Variants in CSMD1 observed in about 807,000 individuals in gnomAD.
CSMD1 encodes CUB and sushi domain-containing protein 1.
Under a neutral mutation model 417.5 loss-of-function variants are expected in CSMD1, and 213 were observed. The observed-to-expected ratio is 0.51, with a 90% CI of 0.46 to 0.57. The LOEUF (loss-of-function observed/expected upper bound fraction) is 0.57, where lower values mean the gene tolerates loss of function less well. Among genes scored for constraint, CSMD1 ranks in the 20% least tolerant of loss-of-function variants. The probability of loss-of-function intolerance (pLI) is 0.00; values close to 1 mark genes in which losing one functional copy is unlikely to be tolerated. For synonymous variants in CSMD1, 2,862 were observed against 1,736.8 expected (o/e 1.65, Z -16.11); for missense variants, 6,923 against 4,529.7 (o/e 1.53, Z -15.17).
At chr8:4,982,199 G>A (rs147842063) in intron 1 of CSMD1, among the ~76,000 whole-genome samples, 243 of 152,250 alleles carry the variant, frequency 1.6e-3, no homozygotes, top group African/African-American at 5.5e-3. Context: ...CCTGACCCAC[G>A]GAAACTATCA....
chr8:4,160,776 G>C (rs1266158797), intron 3 of CSMD1, among the ~76,000 whole-genome samples: 1 of 152,200 alleles, frequency 6.6e-6, no homozygotes, highest in Non-Finnish European at 1.5e-5. Context: ...TTGGATGAAA[G>C]CATCATTTTA....
At chr8:4,249,447 C>T (rs1396108226) in intron 3 of CSMD1, among the ~76,000 whole-genome samples, 6 of 152,070 alleles carry the variant, frequency 3.9e-5, no homozygotes, top group African/African-American at 1.4e-4. Flanking sequence ...ATAATCACAA[C>T]CATGGAGACA....
At position 4,637,528 on chromosome 8, in the gene CSMD1, G is replaced by C. The variant is rs1201974912; in HGVS notation, c.116C>G (p.Pro39Arg). The C allele has an allele frequency of 1.9e-6, 3 of 1,613,538 alleles. No homozygotes were observed. The highest frequency in any genetic ancestry group is 2.5e-6 in the Non-Finnish European group (3 of 1,179,734). Residue 39 changes from proline to arginine, a missense_variant, in exon 2 of 70, where the codon CCC becomes CGC. Transcript: ENST00000635120. ...CCCTGGGCTCTCAATAGTGCCATTG[G>C]GACCCTGGACTAAGCCTCCACAGTT... is the stretch of plus-strand genomic sequence containing the variant. The part of the protein sequence containing the change: ...GQNCGGLVQG[P>R]NGTIESPGFP...
At chr8:3,953,817 T>A (rs1035335372) in intron 5 of CSMD1, among the ~76,000 whole-genome samples, 2 of 151,518 alleles carry the variant, frequency 1.3e-5, no homozygotes, top group Non-Finnish European at 2.9e-5. Context: ...CCATGAGAGG[T>A]CTCATTTTCC....
chr8:4,128,974 G>T (rs540687817), intron 3 of CSMD1, among the ~76,000 whole-genome samples: 1 of 151,188 alleles, frequency 6.6e-6, no homozygotes, highest in East Asian at 2.0e-4. Context: ...TACTTGGGAA[G>T]CTGAGGCAGG....
At chr8:4,465,530 A>C (rs1279097187) in intron 2 of CSMD1, among the ~76,000 whole-genome samples, 1 of 152,160 alleles carries the variant, frequency 6.6e-6, no homozygotes, top group East Asian at 1.9e-4. Flanking sequence ...GGAAGCACAT[A>C]CAACTCCACT....
chr8:4,942,920 G>T (rs1051721429), intron 1 of CSMD1, among the ~76,000 whole-genome samples: 1 of 152,190 alleles, frequency 6.6e-6, no homozygotes, highest in African/African-American at 2.4e-5. Flanking sequence ...ACAATGGTTT[G>T]GATTAGGTTA....
At chr8:3,352,944 A>G (rs1808513388) in intron 21 of CSMD1, among the ~76,000 whole-genome samples, 1 of 152,200 alleles carries the variant, frequency 6.6e-6, no homozygotes, top group Non-Finnish European at 1.5e-5. Flanking sequence ...ATATAACAAA[A>G]CTAAGCCCAT....
At chr8:4,340,780 A>C (rs1235728280) in intron 3 of CSMD1, among the ~76,000 whole-genome samples, 1 of 152,100 alleles carries the variant, frequency 6.6e-6, no homozygotes, top group Non-Finnish European at 1.5e-5. Flanking sequence ...CAAACTCATA[A>C]TGGTTGCTTC....
intron 1 of CSMD1, among the ~76,000 whole-genome samples, chr8:4,767,206 A>G (rs1812524839): frequency 6.6e-6 from 1 of 152,210 alleles, no homozygotes; most frequent in African/African-American, 2.4e-5. Context: ...TGAAGGCCAT[A>G]ATTTGCAGAT....
intron 41 of CSMD1, among the ~76,000 whole-genome samples, chr8:3,121,198 T>C (rs1817184731): frequency 6.6e-6 from 1 of 152,192 alleles, no homozygotes. Flanking sequence ...TTTTCAGTAT[T>C]GTAAGCATAC....
rs75594152 is a variant in CSMD1, at chr8:3,685,634, G to C, written c.1009+22780C>G. Among the ~76,000 whole-genome samples the C allele has an allele frequency of 3.4e-3, 511 of 152,310 alleles. 2 individuals carry two copies. Among genetic ancestry groups the C allele is most frequent in the Non-Finnish European group, 5.7e-3 (389 of 68,026 alleles). On this transcript the variant is annotated intron_variant, in intron 7 of 69. Coordinates refer to ENST00000635120, the MANE Select transcript of CSMD1 (RefSeq NM_033225.6). ...GATCTGGTGAGTTTCATTTCTTTGA[G>C]ACTGTTTTTAGAGGCCTGGGGGTGC...
intron 20 of CSMD1, 75 bp downstream of exon 20, chr8:3,366,957 C>CA: frequency 8.8e-7 from 1 of 1,132,380 alleles, no homozygotes; most frequent in Non-Finnish European, 1.3e-6. Context: ...CACACACACA[C>CA]CCACACACAT....
intron 4 of CSMD1, among the ~76,000 whole-genome samples, chr8:4,001,194 T>C (rs549332686): frequency 3.3e-5 from 5 of 152,304 alleles, no homozygotes; most frequent in Admixed American, 1.3e-4. Context: ...AATACAAGTG[T>C]ATAGAATAAG....
chr8:4,985,478 G>T (rs1242371451), intron 1 of CSMD1, among the ~76,000 whole-genome samples: 1 of 152,178 alleles, frequency 6.6e-6, no homozygotes, highest in Non-Finnish European at 1.5e-5. Context: ...TTCTTTAGGT[G>T]AGCAAAATTA....
At chr8:3,666,292 G>C (rs553890864) in intron 7 of CSMD1, among the ~76,000 whole-genome samples, 1 of 152,230 alleles carries the variant, frequency 6.6e-6, no homozygotes, top group Admixed American at 6.5e-5. Context: ...TCTATAGATT[G>C]TGAGAACCGA....
chr8:3,817,276 TTTTTTTTTTTTTTTTTTTTTTTG>T (rs1801436723), intron 5 of CSMD1, among the ~76,000 whole-genome samples: 3 of 73,856 alleles, frequency 4.1e-5, no homozygotes, highest in African/African-American at 1.8e-4. Flanking sequence ...TTTTTTTTTT[TTTTTTTTTTTTTTTTTTTTTTTG>T]AGATGGAGTC....
At chr8:3,352,859 GAAAC>G (rs1252225769) in intron 21 of CSMD1, among the ~76,000 whole-genome samples, 13 of 151,882 alleles carry the variant, frequency 8.6e-5, no homozygotes, top group African/African-American at 2.2e-4. Flanking sequence ...AACAAACAAA[GAAAC>G]AAACAAACAA....
At chr8:4,250,196 G>C (rs747376352) in intron 3 of CSMD1, among the ~76,000 whole-genome samples, 3 of 152,120 alleles carry the variant, frequency 2.0e-5, no homozygotes, top group Non-Finnish European at 4.4e-5. Context: ...TCTTTACAAA[G>C]TACCTGGTCT....
Sources: allele counts gnomAD v4.1 joint callset (sites outside exome capture counted in the v4.1 genomes callset), GRCh38; gene constraint gnomAD v4.1.1; transcripts MANE v1.5; gene names NCBI Gene and HGNC (gene_info 2026-07-23, HGNC 2026-07-21).